Variants in CDH12 observed in about 807,000 individuals in gnomAD.
The protein encoded by CDH12 is cadherin 12.
Under a neutral mutation model 74.1 loss-of-function variants are expected in CDH12, and 41 were observed. That is an observed-to-expected ratio of 0.55 (90% CI 0.43 to 0.72). The LOEUF is 0.72. Among genes scored for constraint, CDH12 ranks in the 30% least tolerant of loss-of-function variants. The pLI is 0.00. For missense variants in CDH12, 945 were observed against 977.2 expected, an observed-to-expected ratio of 0.97 and a Z score of 0.44; for synonymous variants, 399 against 355.0, an observed-to-expected ratio of 1.12 and a Z score of -1.39.
At chr5:22,245,938 T>C (rs1463515376) in intron 3 of CDH12, among the ~76,000 whole-genome samples, 1 of 152,126 alleles carries the variant, frequency 6.6e-6, no homozygotes. Context: ...AGAACACTCA[T>C]GATGAATATG....
At chr5:22,365,158 G>A (rs984334294) in intron 3 of CDH12, among the ~76,000 whole-genome samples, 1 of 152,164 alleles carries the variant, frequency 6.6e-6, no homozygotes, top group Non-Finnish European at 1.5e-5. Context: ...GACATGGGCA[G>A]TGACTAAATT....
At chr5:22,109,174 T>C (rs1382912980) in intron 4 of CDH12, among the ~76,000 whole-genome samples, 1 of 152,208 alleles carries the variant, frequency 6.6e-6, no homozygotes, top group Non-Finnish European at 1.5e-5. Flanking sequence ...TGTTTCTGTA[T>C]AGCCTGCAAA....
chr5:22,208,524 T>C (rs1395235455), intron 4 of CDH12, among the ~76,000 whole-genome samples: 8 of 152,236 alleles, frequency 5.3e-5, no homozygotes, highest in Non-Finnish European at 1.2e-4. Context: ...ACTGTCCTTT[T>C]TACGTTTCTC....
In CDH12 at chr5:22,749,022, A is replaced by G. The variant is rs370188987; in HGVS notation, c.-523+104036T>C. On this transcript the variant is annotated intron_variant, in intron 1 of 14. Coordinates refer to ENST00000382254, the MANE Select transcript of CDH12 (RefSeq NM_004061.5). ...ATCATTGATGTGGGAAGGTGAGGAGAGGTGTCGACTTAGGTTTTAAACACA... is the reference window on the plus strand; with the variant it reads ...ATCATTGATGTGGGAAGGTGAGGAGGGGTGTCGACTTAGGTTTTAAACACA... 1.5e-4 allele frequency among the ~76,000 whole-genome samples: 23 copies of G among 152,284 alleles called. No homozygotes were observed. In the East Asian group the frequency reaches 4.4e-3, roughly 29 times the overall value.
At chr5:22,213,729 T>C (rs1228058640) in intron 3 of CDH12, 1 of 152,120 alleles carries the variant, frequency 6.6e-6, no homozygotes, top group Non-Finnish European at 1.5e-5. Flanking sequence ...CAGGATAAAA[T>C]TATGCAAATA....
chr5:22,163,560 G>A (rs545832713), intron 4 of CDH12, among the ~76,000 whole-genome samples: 4 of 152,154 alleles, frequency 2.6e-5, no homozygotes, highest in African/African-American at 9.6e-5. Flanking sequence ...TATTTTACAT[G>A]CTGCACCCAT....
intron 1 of CDH12, among the ~76,000 whole-genome samples, chr5:22,570,969 T>C (rs188184409): frequency 1.4e-4 from 21 of 152,368 alleles, no homozygotes; most frequent in Admixed American, 1.3e-3. Flanking sequence ...TTTTATATTA[T>C]AGAGATGGCT....
chr5:22,453,173 G>A (rs1234542961), intron 2 of CDH12, among the ~76,000 whole-genome samples: 2 of 152,004 alleles, frequency 1.3e-5, no homozygotes, highest in East Asian at 1.9e-4. Context: ...AAACCAGTAT[G>A]GAGGTTTCTT....
At chr5:22,652,138 C>T (rs1295965380) in intron 1 of CDH12, among the ~76,000 whole-genome samples, 2 of 151,974 alleles carry the variant, frequency 1.3e-5, no homozygotes, top group African/African-American at 2.4e-5. Context: ...TGAAGACAGG[C>T]TATAACAGAC....
rs372693978 is a variant in CDH12, at chr5:22,496,722, C to T, written c.-428+8548G>A. Reference sequence around the variant, plus strand: ...TGCTCAGTCTTGATCTTTTAAGATTCATCAGCAGCAATTGACCCAGTTGAA... The same window carrying T: ...TGCTCAGTCTTGATCTTTTAAGATTTATCAGCAGCAATTGACCCAGTTGAA... On this transcript the variant is annotated intron_variant, in intron 2 of 14. Transcript: ENST00000382254. 3.1e-4 allele frequency among the ~76,000 whole-genome samples: 47 copies of T among 152,294 alleles called. 1 individual carries two copies. The East Asian group carries it at 6.2e-3, about 20-fold the overall frequency.
intron 1 of CDH12, among the ~76,000 whole-genome samples, chr5:22,615,674 G>A (rs1480007250): frequency 6.6e-6 from 1 of 151,960 alleles, no homozygotes; most frequent in Non-Finnish European, 1.5e-5. Context: ...CACAATTAGA[G>A]GTAATTATTT....
At chr5:21,973,995 T>C (rs563152973) in intron 6 of CDH12, among the ~76,000 whole-genome samples, 1 of 151,908 alleles carries the variant, frequency 6.6e-6, no homozygotes, top group Admixed American at 6.6e-5. Flanking sequence ...GCTGATTTCT[T>C]AGGTCAAGGA....
chr5:22,068,085 T>C lies in CDH12; in HGVS notation c.231+10361A>G, dbSNP rs150324448. 3.3e-3 allele frequency among the ~76,000 whole-genome samples: 495 copies of C among 152,298 alleles called. 1 individual carries two copies. Among genetic ancestry groups the C allele is most frequent in the African/African-American group, 0.011 (459 of 41,572 alleles). On this transcript the variant is annotated intron_variant, in intron 5 of 14. Transcript: ENST00000382254. ...AATCATGGCACACCAACTTCCTATG[T>C]GATCTGAGCTGCTTATCATGAACCA... is the stretch of plus-strand genomic sequence containing the variant.
intron 4 of CDH12, among the ~76,000 whole-genome samples, chr5:22,167,868 T>G (rs1477694565): frequency 6.6e-6 from 1 of 152,126 alleles, no homozygotes; most frequent in Non-Finnish European, 1.5e-5. Context: ...GTACACCTGA[T>G]CTAAAGGGTG....
At chr5:21,829,172 G>A (rs1313460321) in intron 8 of CDH12, among the ~76,000 whole-genome samples, 1 of 152,152 alleles carries the variant, frequency 6.6e-6, no homozygotes, top group Non-Finnish European at 1.5e-5. Context: ...GTGCGTACCT[G>A]TAATCTCAAT....
At chr5:22,762,928 C>G (rs1746302277) in intron 1 of CDH12, among the ~76,000 whole-genome samples, 1 of 151,858 alleles carries the variant, frequency 6.6e-6, no homozygotes. Context: ...AAGGAGTTCC[C>G]TGCTTGTACA....
chr5:22,579,377 C>G (rs1739962336), intron 1 of CDH12, among the ~76,000 whole-genome samples: 1 of 151,874 alleles, frequency 6.6e-6, no homozygotes, highest in Non-Finnish European at 1.5e-5. Flanking sequence ...GACTTTTGTG[C>G]CCTTTTAGTC....
At chr5:22,695,736 G>A (rs966331009) in intron 1 of CDH12, among the ~76,000 whole-genome samples, 1 of 150,486 alleles carries the variant, frequency 6.6e-6, no homozygotes, top group African/African-American at 2.4e-5. Flanking sequence ...ATTAAATCTT[G>A]GCATTTGCAT....
At chr5:22,812,287 G>A (rs917387851) in intron 1 of CDH12, among the ~76,000 whole-genome samples, 4 of 152,046 alleles carry the variant, frequency 2.6e-5, no homozygotes, top group African/African-American at 7.2e-5. Context: ...GAATTAGATG[G>A]GAATATATAT....
Sources: allele counts gnomAD v4.1 joint callset (sites outside exome capture counted in the v4.1 genomes callset), GRCh38; gene constraint gnomAD v4.1.1; transcripts MANE v1.5; gene names NCBI Gene and HGNC (gene_info 2026-07-23, HGNC 2026-07-21).